Variants in DHRSX observed in about 807,000 individuals in gnomAD.
DHRSX encodes polyprenol dehydrogenase.
In DHRSX, 31 loss-of-function variants were observed where a neutral mutation model predicts 34.0. That is an observed-to-expected ratio of 0.91 (90% CI 0.69 to 1.23). The LOEUF (loss-of-function observed/expected upper bound fraction) is 1.23. Among genes scored for constraint, DHRSX ranks in the 50% most tolerant of loss-of-function variants. The pLI is 0.00. For missense variants in DHRSX, 414 were observed against 428.1 expected (o/e 0.97, Z 0.29); for synonymous variants, 201 against 183.8 (o/e 1.09, Z -0.76).
chrX:2,238,586 CTT>C (rs758589373), intron 6 of DHRSX, among the ~76,000 whole-genome samples: 12 of 142,302 alleles, frequency 8.4e-5, no homozygotes, highest in Admixed American at 7.1e-5. Context: ...TTTCTTCTTT[CTT>C]TTTTTTTTTT....
intron 4 of DHRSX, among the ~76,000 whole-genome samples, chrX:2,271,987 G>A (rs1043435947): frequency 1.3e-5 from 2 of 151,230 alleles, no homozygotes; most frequent in African/African-American, 4.9e-5. Flanking sequence ...GTTGCAGTGA[G>A]CCGAGATCAC....
chrX:2,227,557 AAGG>A lies in DHRSX; in HGVS notation c.805-6331_805-6329del, dbSNP rs748053453. On this transcript the variant is annotated intron_variant, in intron 6 of 6. Transcript: ENST00000334651. ...AGGAGGGAGGAAGAAAAAAGGGAGA[AAGG>A]AGGGAAGAAGGGAGGAAGGGAAGGA... is the stretch of plus-strand genomic sequence containing the variant. Among the ~76,000 whole-genome samples, 101 of 132,070 alleles carry A rather than the reference AAGG, an allele frequency of 7.6e-4. 1 individual carries two copies. The highest frequency in any genetic ancestry group is 2.7e-3 in the African/African-American group (92 of 34,652). The allele number at this position is 132,070 out of a possible 152,430, so 86.6% of individuals were successfully genotyped here.
In DHRSX at chrX:2,243,061, G is replaced by A. The variant is rs139175675; in HGVS notation, c.766C>T (p.Arg256Cys). ...DVYKHVFWAT[R>C]LAKKLLGWLL... The stretch of plus-strand genomic sequence containing the variant: ...CAGCCGAGAAGCTTCTTCGCCAGAC[G>A]GGTGGCCCAGAACACGTGCTTGTAG... Residue 256 changes from arginine to cysteine, a missense_variant, in exon 6 of 7, where the codon CGT (arginine) becomes TGT (cysteine). Coordinates refer to ENST00000334651, the MANE Select transcript of DHRSX (RefSeq NM_145177.3). 1.1e-5 allele frequency: 17 copies of A among 1,613,620 alleles called. No homozygotes were observed. Among genetic ancestry groups the A allele is most frequent in the Middle Eastern group, 3.3e-4 (2 of 6,076 alleles).
intron 3 of DHRSX, among the ~76,000 whole-genome samples, chrX:2,390,144 CTT>C (rs575599788): frequency 1.9e-3 from 239 of 128,142 alleles, no homozygotes; most frequent in Middle Eastern, 8.4e-3. Context: ...GCATTTTAAC[CTT>C]TTTTTTTTTT....
At chrX:2,462,835 A>T (rs1479991595) in intron 1 of DHRSX, among the ~76,000 whole-genome samples, 1 of 151,848 alleles carries the variant, frequency 6.6e-6, no homozygotes, top group Non-Finnish European at 1.5e-5. Flanking sequence ...CTATTACTGC[A>T]TTTTTTTAAA....
intron 5 of DHRSX, among the ~76,000 whole-genome samples, chrX:2,248,096 G>A (rs1052812259): frequency 3.3e-5 from 5 of 152,034 alleles, no homozygotes; most frequent in African/African-American, 9.7e-5. Context: ...TCAGGAGTTC[G>A]AGACCAGCCT....
chrX:2,410,527 T>C (rs2043612840), intron 2 of DHRSX, among the ~76,000 whole-genome samples: 1 of 152,146 alleles, frequency 6.6e-6, no homozygotes, highest in African/African-American at 2.4e-5. Flanking sequence ...ATAATCCCTC[T>C]CTTTGGCATT....
At chrX:2,445,574 T>A (rs2044119994) in intron 1 of DHRSX, among the ~76,000 whole-genome samples, 1 of 152,144 alleles carries the variant, frequency 6.6e-6, no homozygotes, top group Non-Finnish European at 1.5e-5. Flanking sequence ...CTGAAGACTT[T>A]CCCTAAGAAT....
At chrX:2,444,079 T>C (rs982991672) in intron 1 of DHRSX, among the ~76,000 whole-genome samples, 19 of 151,314 alleles carry the variant, frequency 1.3e-4, no homozygotes, top group African/African-American at 4.6e-4. Context: ...CTGGAAGCCA[T>C]TGGGGAAATA....
chrX:2,449,523 C>G (rs2044188020), intron 1 of DHRSX, among the ~76,000 whole-genome samples: 1 of 152,112 alleles, frequency 6.6e-6, no homozygotes, highest in African/African-American at 2.4e-5. Flanking sequence ...CAGGGTCACA[C>G]CCAGGCGATT....
chrX:2,241,041 G>A (rs147023406), intron 6 of DHRSX, among the ~76,000 whole-genome samples: 2,953 of 152,064 alleles, frequency 0.019, 89 homozygotes, highest in African/African-American at 0.066. Flanking sequence ...AAAACTAGCC[G>A]GGCATGGTGG....
At chrX:2,398,049 T>TCTCAC (rs2043436729) in intron 3 of DHRSX, among the ~76,000 whole-genome samples, 1 of 151,810 alleles carries the variant, frequency 6.6e-6, no homozygotes, top group African/African-American at 2.4e-5. Context: ...AACAGGCTGA[T>TCTCAC]ATATTCAGGG....
intron 1 of DHRSX, among the ~76,000 whole-genome samples, chrX:2,452,005 C>T (rs1051001220): frequency 3.2e-4 from 49 of 151,430 alleles, no homozygotes; most frequent in African/African-American, 9.7e-4. Context: ...ACACTGAAGA[C>T]GTTCCCTAAG....
intron 1 of DHRSX, among the ~76,000 whole-genome samples, chrX:2,493,572 G>A (rs1309289573): frequency 6.6e-6 from 1 of 151,886 alleles, no homozygotes; most frequent in Non-Finnish European, 1.5e-5. Context: ...AGATTAGGCT[G>A]GAAGAGGTCC....
In DHRSX at chrX:2,425,062, C is replaced by G; in HGVS notation, c.217+135G>C. The G allele has an allele frequency of 4.5e-6, 3 of 672,890 alleles. No individual in the cohort carries two copies. The Admixed American group carries it at 8.1e-5, about 18-fold the overall frequency. The allele number at this position is 672,890 out of a possible 1,614,324, so 41.7% of individuals were successfully genotyped here. On this transcript the variant is annotated intron_variant, in intron 2 of 6. Transcript: ENST00000334651. ...GGCTGAGGTAGGAGAATCACTTTAA[C>G]CCAGGAGGTGGAGGCTGCAGTGAGC...
intron 1 of DHRSX, chrX:2,489,521 A>T: frequency 6.2e-7 from 1 of 1,612,886 alleles, no homozygotes; most frequent in South Asian, 1.1e-5. Context: ...GGGCTGCAGG[A>T]GCTCCACCAG....
chrX:2,466,258 G>C (rs2044494743), intron 1 of DHRSX, among the ~76,000 whole-genome samples: 1 of 152,108 alleles, frequency 6.6e-6, no homozygotes, highest in Non-Finnish European at 1.5e-5. Context: ...GGCCAACATG[G>C]AGAAGCCCCG....
chrX:2,254,273 C>T (rs369642689), intron 5 of DHRSX, among the ~76,000 whole-genome samples: 2 of 152,276 alleles, frequency 1.3e-5, no homozygotes, highest in East Asian at 1.9e-4. Context: ...TAACTTCCTA[C>T]GAATCCGTTG....
chrX:2,491,686 G>GT (rs1013931352), intron 1 of DHRSX, among the ~76,000 whole-genome samples: 2 of 152,308 alleles, frequency 1.3e-5, no homozygotes. Flanking sequence ...AACGTCACAG[G>GT]TGCATCCGTG....
Sources: allele counts gnomAD v4.1 joint callset (sites outside exome capture counted in the v4.1 genomes callset), GRCh38; gene constraint gnomAD v4.1.1; transcripts MANE v1.5; gene names NCBI Gene and HGNC (gene_info 2026-07-23, HGNC 2026-07-21).